The following SCOC variants were observed in gnomAD, a reference collection of about 807,000 sequenced individuals.
The protein encoded by SCOC is short coiled-coil protein, also known as short coiled coil protein.
SCOC carries 7 observed loss-of-function variants against 9.9 expected under a neutral mutation model. The ratio of observed to expected loss-of-function variants is 0.71; its 90% CI spans 0.40 to 1.33. The LOEUF is 1.33. Among genes scored for constraint, SCOC ranks in the 40% most tolerant of loss-of-function variants. The probability of loss-of-function intolerance (pLI) is 0.01; values close to 1 mark genes in which losing one functional copy is unlikely to be tolerated. For synonymous variants in SCOC, 19 were observed against 28.2 expected, an observed-to-expected ratio of 0.67 and a Z score of 1.03; for missense variants, 66 against 89.7, an observed-to-expected ratio of 0.74 and a Z score of 1.07.
chr4:140,302,493 C>G (rs1351223256), intron 1 of SCOC, among the ~76,000 whole-genome samples: 1 of 152,182 alleles, frequency 6.6e-6, no homozygotes, highest in Non-Finnish European at 1.5e-5. Context: ...TGGATGAACA[C>G]TGAACTATTG....
At chr4:140,293,978 A>G (rs901110378) in intron 1 of SCOC, among the ~76,000 whole-genome samples, 1 of 152,234 alleles carries the variant, frequency 6.6e-6, no homozygotes, top group Non-Finnish European at 1.5e-5. Context: ...CCATTCAGCC[A>G]TAACTTTTTT....
chr4:140,330,219 G>A (rs1335983684), intron 1 of SCOC, among the ~76,000 whole-genome samples: 1 of 152,110 alleles, frequency 6.6e-6, no homozygotes, highest in Non-Finnish European at 1.5e-5. Flanking sequence ...AACATCCTAT[G>A]TTCTCACTCA....
intron 1 of SCOC, among the ~76,000 whole-genome samples, chr4:140,282,190 T>C (rs1731115563): frequency 1.3e-5 from 2 of 152,228 alleles, no homozygotes; most frequent in African/African-American, 4.8e-5. Context: ...TAAATTTTCA[T>C]AGAGTCCATG....
At chr4:140,292,470 T>C (rs1210840787) in intron 1 of SCOC, among the ~76,000 whole-genome samples, 5 of 152,212 alleles carry the variant, frequency 3.3e-5, no homozygotes, top group Admixed American at 6.5e-5. Context: ...ATTACAGGCA[T>C]GAGCCACTGA....
chr4:140,264,092 TG>T (rs1730687023), intron 1 of SCOC, among the ~76,000 whole-genome samples: 1 of 151,732 alleles, frequency 6.6e-6, no homozygotes, highest in Non-Finnish European at 1.5e-5. Flanking sequence ...CTTGAACTCC[TG>T]GGCTCAGGCA....
chr4:140,320,296 AG>A (rs1317440876), intron 1 of SCOC, among the ~76,000 whole-genome samples: 1 of 152,214 alleles, frequency 6.6e-6, no homozygotes, highest in Non-Finnish European at 1.5e-5. Context: ...TTGTCTAAAA[AG>A]GGGAGGCATG....
At chr4:140,358,229 T>C (rs1457094116) in intron 2 of SCOC, among the ~76,000 whole-genome samples, 1 of 152,228 alleles carries the variant, frequency 6.6e-6, no homozygotes, top group Non-Finnish European at 1.5e-5. Context: ...AAAGAAATCT[T>C]TGGCTCAGAT....
intron 1 of SCOC, among the ~76,000 whole-genome samples, chr4:140,295,773 CA>C (rs969985321): frequency 2.0e-5 from 3 of 151,080 alleles, no homozygotes; most frequent in Admixed American, 6.6e-5. Context: ...ACTAAAAATA[CA>C]AAAAAAATTA....
chr4:140,348,007 T>C (rs1045164470), intron 2 of SCOC, among the ~76,000 whole-genome samples: 5 of 152,186 alleles, frequency 3.3e-5, no homozygotes, highest in Admixed American at 3.3e-4. Context: ...TCTTATTTAC[T>C]AAATACAAAT....
intron 1 of SCOC, among the ~76,000 whole-genome samples, chr4:140,374,653 G>T (rs539263517): frequency 6.6e-6 from 1 of 152,186 alleles, no homozygotes; most frequent in African/African-American, 2.4e-5. Flanking sequence ...TTTATTTTCA[G>T]TTGCTTAGTA....
chr4:140,385,647 G>A lies in SCOC; in HGVS notation c.*4543G>A, dbSNP rs1221385482. On this transcript the variant is annotated 3_prime_UTR_variant, in exon 4 of 4. Coordinates refer to ENST00000608372, the MANE Select transcript of SCOC (RefSeq NM_001153484.2). ...TTATAAAATCTAAAATTAATTTTGT[G>A]GTCCAAAGAAAAGCAAAATAGATCT... 4 of 152,050 alleles carry A rather than the reference G, an allele frequency of 2.6e-5. No homozygotes were observed. The highest frequency in any genetic ancestry group is 4.8e-5 in the African/African-American group (2 of 41,396). The allele number at this position is 152,050 out of a possible 1,614,324, so 9.4% of individuals were successfully genotyped here. A position where few individuals can be genotyped will look rare whatever the true frequency, so the allele number is the denominator to read the frequency against.
chr4:140,258,402 T>C (rs1730557154), intron 1 of SCOC, among the ~76,000 whole-genome samples: 1 of 152,216 alleles, frequency 6.6e-6, no homozygotes. Context: ...AGGAGACATC[T>C]CTATTCCTAT....
intron 2 of SCOC, chr4:140,366,183 CTTT>C (rs869298297): frequency 1.6e-3 from 15 of 9,458 alleles, no homozygotes; most frequent in South Asian, 2.7e-3. Flanking sequence ...TTCTTTCTTT[CTTT>C]TTTTTTTTTT....
chr4:140,290,990 T>C (rs1297497011), intron 1 of SCOC, among the ~76,000 whole-genome samples: 2 of 152,210 alleles, frequency 1.3e-5, no homozygotes, highest in Non-Finnish European at 2.9e-5. Flanking sequence ...ATAACCTTGT[T>C]CCAGAACCCC....
intron 2 of SCOC, among the ~76,000 whole-genome samples, chr4:140,344,936 G>A (rs920690623): frequency 1.3e-5 from 2 of 152,106 alleles, no homozygotes; most frequent in African/African-American, 2.4e-5. Flanking sequence ...GCCTGAAAGT[G>A]GGGACTGTTG....
chr4:140,334,199 C>A (rs1732894719), intron 1 of SCOC, among the ~76,000 whole-genome samples: 1 of 152,156 alleles, frequency 6.6e-6, no homozygotes, highest in African/African-American at 2.4e-5. Context: ...CAGACAAATT[C>A]TATTATTAAA....
intron 1 of SCOC, among the ~76,000 whole-genome samples, chr4:140,283,126 AT>A (rs1731137444): frequency 6.6e-6 from 1 of 152,240 alleles, no homozygotes; most frequent in Non-Finnish European, 1.5e-5. Flanking sequence ...TGTCCATCTT[AT>A]TTTTAAGCTA....
chr4:140,313,985 C>T (rs1026520210), intron 1 of SCOC, among the ~76,000 whole-genome samples: 4 of 151,778 alleles, frequency 2.6e-5, no homozygotes, highest in African/African-American at 4.8e-5. Context: ...AAAAATTAGC[C>T]GGGTGTGGTG....
upstream of SCOC, chr4:140,343,368 G>T (rs866299797): frequency 1.9e-5 from 6 of 324,032 alleles, no homozygotes; most frequent in Middle Eastern, 1.7e-3. Flanking sequence ...TTGGCATCTA[G>T]CCAGGGTACA....
Sources: allele counts gnomAD v4.1 joint callset (sites outside exome capture counted in the v4.1 genomes callset), GRCh38; gene constraint gnomAD v4.1.1; transcripts MANE v1.5; gene names NCBI Gene and HGNC (gene_info 2026-07-23, HGNC 2026-07-21).